Variants in TNS4 observed in about 807,000 individuals in gnomAD.
The protein encoded by TNS4 is tensin-4.
Under a neutral mutation model 70.4 loss-of-function variants are expected in TNS4, and 46 were observed. The observed-to-expected ratio is 0.65, with a 90% CI of 0.52 to 0.84. The LOEUF is 0.84. Among genes scored for constraint, TNS4 ranks in the 40% least tolerant of loss-of-function variants. TNS4 has a pLI of 0.00. For missense variants in TNS4, 863 were observed against 907.0 expected (o/e 0.95, Z 0.62); for synonymous variants, 390 against 366.6 (o/e 1.06, Z -0.73).
intron 6 of TNS4, among the ~76,000 whole-genome samples, chr17:40,483,531 C>T (rs142493998): frequency 6.9e-4 from 105 of 152,238 alleles, no homozygotes; most frequent in Middle Eastern, 3.4e-3. Context: ...AGATAAATGT[C>T]GACTCTTTGG....
chr17:40,480,542 C>A (rs942774188), intron 9 of TNS4, among the ~76,000 whole-genome samples, 158 bp downstream of exon 9: 2 of 152,064 alleles, frequency 1.3e-5, no homozygotes, highest in Non-Finnish European at 2.9e-5. Flanking sequence ...TGATGGGGAG[C>A]GGGTGTGGCA....
At chr17:40,489,469 C>T (rs1248695317) in intron 2 of TNS4, among the ~76,000 whole-genome samples, 2 of 152,096 alleles carry the variant, frequency 1.3e-5, no homozygotes, top group Non-Finnish European at 2.9e-5. Flanking sequence ...ATGGGTTGTA[C>T]CAGTGACACT....
chr17:40,498,258 T>C (rs1001210224), intron 1 of TNS4, among the ~76,000 whole-genome samples: 2 of 152,204 alleles, frequency 1.3e-5, no homozygotes, highest in Non-Finnish European at 2.9e-5. Flanking sequence ...ATTTGACTTC[T>C]AGCTCAAATA....
intron 4 of TNS4, among the ~76,000 whole-genome samples, chr17:40,486,731 T>C (rs1451347938): frequency 6.6e-6 from 1 of 152,108 alleles, no homozygotes; most frequent in Non-Finnish European, 1.5e-5. Flanking sequence ...AAACTTCTGA[T>C]CCATTTCCCA....
intron 7 of TNS4, 50 bp from the exon 8 acceptor site, chr17:40,482,256 C>T (rs768825812): frequency 1.5e-5 from 25 of 1,613,928 alleles, no homozygotes; most frequent in Non-Finnish European, 2.1e-5. Flanking sequence ...CCAACCCACC[C>T]CTCAGCTCAC....
At chr17:40,482,911 G>A (rs1169539993) in intron 6 of TNS4, among the ~76,000 whole-genome samples, 6 of 151,690 alleles carry the variant, frequency 4.0e-5, no homozygotes. Flanking sequence ...TTTTTTGGGG[G>A]TGGGGTGGGG....
chr17:40,477,523 G>C lies in TNS4; in HGVS notation c.*65C>G. 4 of 1,595,702 alleles carry C rather than the reference G, an allele frequency of 2.5e-6. No individual in the cohort carries two copies. The highest frequency in any genetic ancestry group is 3.4e-6 in the Non-Finnish European group (4 of 1,169,682). On this transcript the variant is annotated 3_prime_UTR_variant, in exon 13 of 13. Transcript: ENST00000254051. Reference sequence around the variant, plus strand: ...TGGCCACAAGCCACACCCATTCAGGGGGTGGAGGGGGGCTCCTTAGCGAGC... The same window carrying C: ...TGGCCACAAGCCACACCCATTCAGGCGGTGGAGGGGGGCTCCTTAGCGAGC...
intron 2 of TNS4, among the ~76,000 whole-genome samples, chr17:40,490,487 A>G (rs1310538634): frequency 2.6e-5 from 4 of 152,154 alleles, no homozygotes; most frequent in Non-Finnish European, 5.9e-5. Flanking sequence ...ATTGGGGAGA[A>G]CGTGCACCCT....
intron 1 of TNS4, among the ~76,000 whole-genome samples, chr17:40,497,739 C>T (rs1024617457): frequency 3.0e-4 from 44 of 145,760 alleles, no homozygotes; most frequent in African/African-American, 9.2e-4. Context: ...GGAGATGGGG[C>T]GGGGGAGGCA....
chr17:40,480,838 A>G, intron 8 of TNS4, 70 bp from the exon 9 acceptor site: 5 of 1,535,744 alleles, frequency 3.3e-6, no homozygotes, highest in Non-Finnish European at 4.4e-6. Context: ...TCTCACAGGA[A>G]CAGGCCTCAT....
chr17:40,491,545 G>T (rs2036065688), intron 2 of TNS4, among the ~76,000 whole-genome samples: 1 of 152,222 alleles, frequency 6.6e-6, no homozygotes, highest in African/African-American at 2.4e-5. Context: ...TGCCCTGTGA[G>T]AAGGTGCTTG....
At chr17:40,490,915 C>T (rs544011224) in intron 2 of TNS4, among the ~76,000 whole-genome samples, 9 of 152,240 alleles carry the variant, frequency 5.9e-5, no homozygotes, top group Non-Finnish European at 7.4e-5. Context: ...TGGTGAGGCT[C>T]GAGAGAGGAG....
rs781394140 is a variant in TNS4 at position 40,482,410 on chromosome 17, T to C, written c.1508A>G (p.Asp503Gly). 2 of 1,613,892 alleles carry C rather than the reference T, an allele frequency of 1.2e-6. No individual in the cohort carries two copies. The highest frequency in any genetic ancestry group is 2.2e-5 in the South Asian group (2 of 91,084). The change falls in exon 7 of 13, where the codon GAC (aspartate) becomes GGC (glycine). Residue 503 changes from aspartate (D) to glycine (G), a missense_variant. Transcript: ENST00000254051. ...PASAQSRPGE[D>G]SNDLIRHFLI... ...GAAGTGTCGGATGAGGTCATTGCTGTCCTCACCTGGACAGAGAAGAAAGAG... is the reference window on the plus strand; with the variant it reads ...GAAGTGTCGGATGAGGTCATTGCTGCCCTCACCTGGACAGAGAAGAAAGAG...
chr17:40,493,433 G>T (rs2036101112), intron 2 of TNS4, among the ~76,000 whole-genome samples: 1 of 152,170 alleles, frequency 6.6e-6, no homozygotes. Flanking sequence ...TGAGAGATTT[G>T]TCACCAGCAG....
At chr17:40,495,675 T>C (rs539643392) in intron 2 of TNS4, among the ~76,000 whole-genome samples, 1 of 152,262 alleles carries the variant, frequency 6.6e-6, no homozygotes, top group South Asian at 2.1e-4. Flanking sequence ...CCACATTTAT[T>C]GAGCTCTTCT....
chr17:40,484,042 C>T (rs2035960236), intron 6 of TNS4, among the ~76,000 whole-genome samples: 1 of 152,172 alleles, frequency 6.6e-6, no homozygotes, highest in Admixed American at 6.5e-5. Context: ...GCATGGGAGA[C>T]CACAGGAAAG....
chr17:40,484,534 C>A lies in TNS4; in HGVS notation c.1451G>T (p.Gly484Val). The change falls in exon 6 of 13, where the codon GGC (glycine) becomes GTC (valine). Residue 484 changes from glycine (G) to valine (V), a missense_variant. Transcript: ENST00000254051. The stretch of plus-strand genomic sequence containing the variant: ...AACCTCCTGCACCTTCAGGGCCAGG[C>A]CGAAGGAGCCTCGGTATGAAGAGCT... ...RDSSSYRGSF[G>V]LALKVQEVPA... 2 of 1,612,640 alleles carry A rather than the reference C, an allele frequency of 1.2e-6. No homozygotes were observed.
At chr17:40,485,028 G>T (rs948769496) in intron 4 of TNS4, 21 bp from the exon 5 acceptor site, 2 of 1,611,526 alleles carry the variant, frequency 1.2e-6, no homozygotes, top group South Asian at 2.2e-5. Flanking sequence ...ACAGAGAAGG[G>T]GGACCCTGTA....
chr17:40,496,074 G>A lies in TNS4; in HGVS notation c.352C>T (p.Leu118=). Residue 118 remains leucine, a synonymous_variant, in exon 2 of 13, where the codon CTG becomes TTG. Transcript: ENST00000254051. ...GAGCCCCCAGTCCCTGGGGGAAGCA[G>A]CTGGAAGGTGGGGTCCAGTTCCAGG... The part of the protein sequence containing the change: ...MILELDPTFQ[L]LPPGTGGSQA... 1 of 1,613,290 alleles carries A rather than the reference G, an allele frequency of 6.2e-7. No homozygotes were observed. Among genetic ancestry groups the A allele is most frequent in the Non-Finnish European group, 8.5e-7 (1 of 1,179,726 alleles).
Sources: gnomAD v4.1 joint callset for allele counts (sites outside exome capture counted in the v4.1 genomes callset) on GRCh38, gnomAD v4.1.1 for gene constraint, MANE v1.5 for transcripts, NCBI Gene and HGNC (gene_info 2026-07-23, HGNC 2026-07-21) for gene names.